Variants in HIVEP3 observed in about 807,000 individuals in gnomAD.
HIVEP3 encodes the protein HIVEP zinc finger 3, also known as transcription factor HIVEP3.
In HIVEP3, 49 loss-of-function variants were observed where a neutral mutation model predicts 152.8. That is an observed-to-expected ratio of 0.32 (90% confidence interval 0.26 to 0.41). The LOEUF is 0.41. Ranked by LOEUF, HIVEP3 falls within the 10% of genes least tolerant of loss-of-function variation. The pLI is 1.00. For synonymous variants in HIVEP3, 1,269 were observed against 1,289.0 expected, an observed-to-expected ratio of 0.98 and a Z score of 0.33; for missense variants, 2,790 against 3,103.3, an observed-to-expected ratio of 0.90 and a Z score of 2.40.
chr1:41,830,112 T>C (rs1642918664), intron 1 of HIVEP3, among the ~76,000 whole-genome samples: 1 of 152,210 alleles, frequency 6.6e-6, no homozygotes, highest in African/African-American at 2.4e-5. Context: ...GACCATCATA[T>C]CCATCACAGA....
At chr1:41,717,879 C>T (rs1299721827) in intron 1 of HIVEP3, among the ~76,000 whole-genome samples, 6 of 152,306 alleles carry the variant, frequency 3.9e-5, no homozygotes, top group South Asian at 2.1e-4. Context: ...GCTGACTGAG[C>T]GCCTAGCTCA....
rs1203436580 is a variant in HIVEP3 at position 41,506,986 on chromosome 1, A to T, written c.*3465T>A. ...GGTTTTCTAATGGAAAGCAGACTGG[A>T]TTCACAACACAGAAGCAGAATTGGT... On this transcript the variant is annotated 3_prime_UTR_variant, in exon 9 of 9. Coordinates refer to ENST00000372583, the MANE Select transcript of HIVEP3 (RefSeq NM_024503.5). 2 of 151,608 alleles carry T rather than the reference A, an allele frequency of 1.3e-5. No individual in the cohort carries two copies. Among genetic ancestry groups the T allele is most frequent in the African/African-American group, 4.9e-5 (2 of 41,218 alleles). The allele number at this position is 151,608 out of a possible 1,614,324, so 9.4% of individuals were successfully genotyped here.
chr1:41,684,419 G>C (rs564775087), intron 2 of HIVEP3, among the ~76,000 whole-genome samples: 1 of 152,294 alleles, frequency 6.6e-6, no homozygotes, highest in South Asian at 2.1e-4. Context: ...GCCTCTCCAG[G>C]GTCTCCAGCG....
intron 1 of HIVEP3, among the ~76,000 whole-genome samples, chr1:42,029,668 G>A (rs1285793230): frequency 6.6e-6 from 1 of 152,256 alleles, no homozygotes; most frequent in African/African-American, 2.4e-5. Flanking sequence ...GAAGACCCAG[G>A]TCTTCACACC....
chr1:41,775,495 T>G (rs1570511215), intron 1 of HIVEP3, among the ~76,000 whole-genome samples: 1 of 152,028 alleles, frequency 6.6e-6, no homozygotes, highest in Admixed American at 6.5e-5. Context: ...GTGTTTTTGT[T>G]TTTTTGTTTT....
At chr1:41,899,949 CCT>C (rs1644594199) in intron 1 of HIVEP3, among the ~76,000 whole-genome samples, 1 of 152,198 alleles carries the variant, frequency 6.6e-6, no homozygotes, top group African/African-American at 2.4e-5. Context: ...GATCTTCTCC[CCT>C]GTCAGCAGAA....
At chr1:41,619,461 T>C (rs1158222750) in intron 3 of HIVEP3, among the ~76,000 whole-genome samples, 1 of 152,244 alleles carries the variant, frequency 6.6e-6, no homozygotes, top group Non-Finnish European at 1.5e-5. Flanking sequence ...TGCATGTGTG[T>C]GTAGTGACGA....
At position 41,511,237 on chromosome 1, in the gene HIVEP3, G is replaced by A; in HGVS notation, c.6435C>T (p.Cys2145=). 1 of 1,611,184 alleles carries A rather than the reference G, an allele frequency of 6.2e-7. No homozygotes were observed. The highest frequency in any genetic ancestry group is 8.5e-7 in the Non-Finnish European group (1 of 1,178,348). ...AGAGAGGATGAGCAGGGCCGGGTGA[G>A]CAGGAGGGACTTCGGGACTCGGCCT... The part of the protein sequence containing the change: ...WQKAESRSPS[C]SPGPAHPLSS... The change falls in exon 9 of 9, where the codon TGC becomes TGT. Residue 2145 remains cysteine (C), a synonymous_variant. Coordinates refer to ENST00000372583, the MANE Select transcript of HIVEP3 (RefSeq NM_024503.5). The surrounding 1 kb of genome is among the most constrained non-coding windows in gnomAD (Gnocchi z 4.9).
In HIVEP3 at chr1:41,556,463, T is replaced by C. The variant is rs965331563; in HGVS notation, c.5207+19081A>G. On this transcript the variant is annotated intron_variant, in intron 5 of 8. Coordinates refer to ENST00000372583, the MANE Select transcript of HIVEP3 (RefSeq NM_024503.5). Reference sequence around the variant, plus strand: ...TCCATTCATGCTTTTTGGCTATTTTTAAAATTGGGTTTTTGGATTGAGGTT... The same window carrying C: ...TCCATTCATGCTTTTTGGCTATTTTCAAAATTGGGTTTTTGGATTGAGGTT... Among the ~76,000 whole-genome samples, 12 of 152,246 alleles carry C rather than the reference T, an allele frequency of 7.9e-5. 1 individual carries two copies. The highest frequency in any genetic ancestry group is 7.9e-4 in the Admixed American group (12 of 15,284).
chr1:41,928,324 C>T (rs1371131126), intron 1 of HIVEP3, among the ~76,000 whole-genome samples: 1 of 152,058 alleles, frequency 6.6e-6, no homozygotes, highest in Non-Finnish European at 1.5e-5. Flanking sequence ...TCATTTATTT[C>T]TTTCAGGGCT....
chr1:41,755,591 T>A (rs1647270607), intron 1 of HIVEP3, among the ~76,000 whole-genome samples: 1 of 135,886 alleles, frequency 7.4e-6, no homozygotes. Flanking sequence ...TACAAAGAAC[T>A]CTCAAAACAC....
intron 1 of HIVEP3, among the ~76,000 whole-genome samples, chr1:41,805,368 A>T (rs1650540991): frequency 6.6e-6 from 1 of 152,202 alleles, no homozygotes; most frequent in East Asian, 1.9e-4. Context: ...AATCAACTAC[A>T]TGAAACAATT....
intron 1 of HIVEP3, among the ~76,000 whole-genome samples, chr1:41,941,305 A>G (rs1391495272): frequency 6.6e-6 from 1 of 152,222 alleles, no homozygotes; most frequent in African/African-American, 2.4e-5. Context: ...AATGATCCAG[A>G]AAAGCGGGAG....
chr1:41,525,708 C>T (rs918278349), intron 5 of HIVEP3, among the ~76,000 whole-genome samples: 2 of 152,332 alleles, frequency 1.3e-5, no homozygotes, highest in African/African-American at 2.4e-5. Context: ...TCAGAAGCTG[C>T]GCCTGAAGCA....
At chr1:41,897,945 GA>G (rs1644558315) in intron 1 of HIVEP3, among the ~76,000 whole-genome samples, 1 of 105,154 alleles carries the variant, frequency 9.5e-6, no homozygotes, top group East Asian at 5.9e-4. Flanking sequence ...GAGGGAGAGA[GA>G]GAGAGAGAGA....
At chr1:41,874,136 C>A (rs1644128040) in intron 1 of HIVEP3, among the ~76,000 whole-genome samples, 1 of 152,192 alleles carries the variant, frequency 6.6e-6, no homozygotes, top group Admixed American at 6.5e-5. Flanking sequence ...AGAAAGCAAT[C>A]AGAAATATAG....
Position 41,546,381 on chromosome 1 carries a change from C to T in HIVEP3, c.5208-21471G>A, listed in dbSNP as rs541326187. The stretch of plus-strand genomic sequence containing the variant: ...GTGGGAAATTCAGGGCACAGAAAAG[C>T]AAGGAGTGCTCTTCTCAGCAGGCTC... On this transcript the variant is annotated intron_variant, in intron 5 of 8. Coordinates refer to ENST00000372583, the MANE Select transcript of HIVEP3 (RefSeq NM_024503.5). 4.6e-5 allele frequency among the ~76,000 whole-genome samples: 7 copies of T among 152,316 alleles called. No individual in the cohort carries two copies. The South Asian group carries it at 1.2e-3, about 27-fold the overall frequency.
chr1:41,545,590 TCAC>T (rs1392801049), intron 5 of HIVEP3, among the ~76,000 whole-genome samples: 33 of 20,134 alleles, frequency 1.6e-3, no homozygotes, highest in Admixed American at 5.7e-3. Flanking sequence ...ACCATCACCA[TCAC>T]CACCACCACC....
chr1:41,837,817 G>A (rs1318477091), intron 1 of HIVEP3, among the ~76,000 whole-genome samples: 1 of 152,172 alleles, frequency 6.6e-6, no homozygotes, highest in Non-Finnish European at 1.5e-5. Flanking sequence ...AGTGTCACCT[G>A]CCTGCCTGGC....
Sources: allele counts gnomAD v4.1 joint callset (sites outside exome capture counted in the v4.1 genomes callset), GRCh38; gene constraint gnomAD v4.1.1; non-coding constraint Gnocchi (gnomAD v3.1); transcripts MANE v1.5; gene names NCBI Gene and HGNC (gene_info 2026-07-23, HGNC 2026-07-21).